Variants in PDPK1 observed in about 807,000 individuals in gnomAD.
PDPK1 encodes 3-phosphoinositide dependent protein kinase 1, also known as 3-phosphoinositide-dependent protein kinase 1.
Under a neutral mutation model 39.8 loss-of-function variants are expected in PDPK1, and 7 were observed. The observed-to-expected ratio is 0.18, with a 90% confidence interval of 0.10 to 0.33. The LOEUF (loss-of-function observed/expected upper bound fraction) is 0.33. PDPK1 is among the 10% of genes least tolerant of loss of function. The probability of loss-of-function intolerance (pLI) is 1.00; values close to 1 mark genes in which losing one functional copy is unlikely to be tolerated. For synonymous variants in PDPK1, 118 were observed against 159.1 expected, an observed-to-expected ratio of 0.74 and a Z score of 1.95; for missense variants, 182 against 384.7, an observed-to-expected ratio of 0.47 and a Z score of 4.41.
intron 1 of PDPK1, among the ~76,000 whole-genome samples, chr16:2,550,246 A>G (rs2141948203): frequency 6.6e-6 from 1 of 150,938 alleles, no homozygotes; most frequent in South Asian, 2.1e-4. Flanking sequence ...GAAAAATGGC[A>G]TTTTATTTAT....
rs1438149572 is a variant in PDPK1 at position 2,584,683 on chromosome 16, T to C, written c.1125+1098T>C. Among the ~76,000 whole-genome samples the C allele has an allele frequency of 2.0e-5, 3 of 151,196 alleles. No individual in the cohort carries two copies. The East Asian group carries it at 5.8e-4, about 29-fold the overall frequency. ...GCACCCAGCTGGGAATTCTAGATTT[T>C]ATCTAAAAGTCATCCACAGCTAAAT... is the stretch of plus-strand genomic sequence containing the variant. On this transcript the variant is annotated intron_variant, in intron 10 of 13. Transcript: ENST00000342085.
chr16:2,588,326 C>CG (rs1230888983), intron 11 of PDPK1, among the ~76,000 whole-genome samples: 1 of 152,134 alleles, frequency 6.6e-6, no homozygotes, highest in Non-Finnish European at 1.5e-5. Context: ...TGCTGTGCTG[C>CG]GCAGCTCCAA....
intron 11 of PDPK1, chr16:2,592,806 CTCTGTCCA>C (rs1183458214): frequency 2.2e-6 from 1 of 456,096 alleles, no homozygotes; most frequent in Non-Finnish European, 4.4e-6. Flanking sequence ...TGCCCGCAGT[CTCTGTCCA>C]TGCACCCTGG....
Position 2,586,720 on chromosome 16 carries a change from GTCC to G in PDPK1, c.1179_1181del (p.Ser394del), listed in dbSNP as rs2066883521. ...AGTTTGGCTGCATGCAGGTGTCTTC[GTCC>G]TCCTCCTCACACTCCCTGTCAGCCT... On this transcript the variant is annotated inframe_deletion, in exon 11 of 14. Coordinates refer to ENST00000342085, the MANE Select transcript of PDPK1 (RefSeq NM_002613.5). 6.2e-7 allele frequency: 1 copy of G among 1,614,212 alleles called. No homozygotes were observed. The highest frequency in any genetic ancestry group is 8.5e-7 in the Non-Finnish European group (1 of 1,180,036).
chr16:2,585,031 TG>T (rs201775190), intron 10 of PDPK1, among the ~76,000 whole-genome samples: 2,752 of 152,298 alleles, frequency 0.018, 35 homozygotes, highest in Non-Finnish European at 0.024. Context: ...CGTTCTCCCG[TG>T]GGCTCTGTGC....
chr16:2,544,338 T>C (rs759423323), intron 1 of PDPK1, among the ~76,000 whole-genome samples: 1 of 152,138 alleles, frequency 6.6e-6, no homozygotes, highest in Non-Finnish European at 1.5e-5. Flanking sequence ...CCTGGGCCAG[T>C]GGGATGAGGA....
At position 2,601,339 on chromosome 16, in the gene PDPK1, C is replaced by T. The variant is rs1307711043; in HGVS notation, c.*3572C>T. The stretch of plus-strand genomic sequence containing the variant: ...CTTTATTTAAATGCTAAGAGGATGT[C>T]ACTACTGCAATCCATCTGTGGCCGA... On this transcript the variant is annotated 3_prime_UTR_variant, in exon 14 of 14. Transcript: ENST00000342085. 4.3e-6 allele frequency: 1 copy of T among 234,538 alleles called. No individual in the cohort carries two copies. Among genetic ancestry groups the T allele is most frequent in the Non-Finnish European group, 8.5e-6 (1 of 117,972 alleles). The allele number at this position is 234,538 out of a possible 1,614,324, so 14.5% of individuals were successfully genotyped here.
intron 11 of PDPK1, chr16:2,592,519 C>G (rs1417415981): frequency 3.1e-6 from 1 of 325,422 alleles, no homozygotes; most frequent in African/African-American, 2.2e-5. Context: ...ACTAAAATTA[C>G]CAAAAATTAG....
intron 1 of PDPK1, among the ~76,000 whole-genome samples, chr16:2,544,128 A>G (rs1365549165): frequency 3.3e-5 from 5 of 152,154 alleles, no homozygotes; most frequent in Admixed American, 2.6e-4. Flanking sequence ...AATATTTTCT[A>G]TCCACTGTTG....
rs574291369 is a variant in PDPK1 at position 2,538,049 on chromosome 16, G to A, written c.-64G>A. ...GCTGGGGCTCCGCTTCGGGGAGGAG[G>A]ACGCTGAGGAGGCGCCGAGCCGCGC... On this transcript the variant is annotated 5_prime_UTR_variant, in exon 1 of 14. Coordinates refer to ENST00000342085, the MANE Select transcript of PDPK1 (RefSeq NM_002613.5). 594 of 815,326 alleles carry A rather than the reference G, an allele frequency of 7.3e-4. No homozygotes were observed. The highest frequency in any genetic ancestry group is 1.3e-3 in the Admixed American group (23 of 17,068). The allele number at this position is 815,326 out of a possible 1,614,324, so 50.5% of individuals were successfully genotyped here. A position where few individuals can be genotyped will look rare whatever the true frequency, so the allele number is the denominator to read the frequency against.
At chr16:2,589,289 T>A (rs1004484815) in intron 11 of PDPK1, among the ~76,000 whole-genome samples, 1 of 152,164 alleles carries the variant, frequency 6.6e-6, no homozygotes, top group Non-Finnish European at 1.5e-5. Flanking sequence ...TATTCAATAT[T>A]TCTACTGAGC....
intron 1 of PDPK1, chr16:2,539,040 C>A: frequency 6.4e-5 from 13 of 201,648 alleles, no homozygotes; most frequent in Admixed American, 2.2e-4. Context: ...AAGGAAAACC[C>A]AAGAAATTTA....
At position 2,597,732 on chromosome 16, in the gene PDPK1, C is replaced by T. The variant is rs1456303446; in HGVS notation, c.1636C>T (p.Arg546Ter). 7 of 1,613,166 alleles carry T rather than the reference C, an allele frequency of 4.3e-6. No individual in the cohort carries two copies. Among genetic ancestry groups the T allele is most frequent in the South Asian group, 1.1e-5 (1 of 91,038 alleles). ...CRKIQEVWRQ[R>*]YQSHPDAAVQ The stretch of plus-strand genomic sequence containing the variant: ...GAAGATCCAGGAGGTTTGGAGGCAG[C>T]GATACCAGAGCCACCCGGACGCCGC... The change falls in exon 14 of 14, where the codon CGA (arginine) becomes TGA (stop). Residue 546 changes from arginine to a stop codon, truncating the protein, a stop_gained. Coordinates refer to ENST00000342085, the MANE Select transcript of PDPK1 (RefSeq NM_002613.5). LOFTEE classifies it high-confidence loss of function. The surrounding 1 kb of genome is among the most constrained non-coding windows in gnomAD (Gnocchi z 6.3).
chr16:2,586,759 C>T lies in PDPK1; in HGVS notation c.1209C>T (p.Gly403=), dbSNP rs1025385114. The T allele has an allele frequency of 6.2e-7, 1 of 1,614,148 alleles. No homozygotes were observed. Among genetic ancestry groups the T allele is most frequent in the African/African-American group, 1.3e-5 (1 of 74,956 alleles). ...SSHSLSASDT[G]LPQRSGSNIE... Reference sequence around the variant, plus strand: ...ACTCCCTGTCAGCCTCCGACACGGGCCTGCCCCAGAGGTCAGGCAGCAACA... The same window carrying T: ...ACTCCCTGTCAGCCTCCGACACGGGTCTGCCCCAGAGGTCAGGCAGCAACA... The change falls in exon 11 of 14, where the codon GGC becomes GGT. Residue 403 remains glycine, a synonymous_variant. Transcript: ENST00000342085.
rs2067248764 is a variant in PDPK1, at chr16:2,602,962, T to G, written c.*5195T>G. The G allele has an allele frequency of 8.6e-6, 2 of 232,238 alleles. No homozygotes were observed. The highest frequency in any genetic ancestry group is 4.4e-5 in the African/African-American group (2 of 45,392). 14.4% of individuals were successfully genotyped at this position (232,238 alleles called of 1,614,324 possible). A position where few individuals can be genotyped will look rare whatever the true frequency, so the allele number is the denominator to read the frequency against. On this transcript the variant is annotated 3_prime_UTR_variant, in exon 14 of 14. Coordinates refer to ENST00000342085, the MANE Select transcript of PDPK1 (RefSeq NM_002613.5). ...TTCGGGGCCACGTTGTTGTATGTAT[T>G]GATGTACAGCCTTGAATGTGAATAA... is the stretch of plus-strand genomic sequence containing the variant.
At chr16:2,588,913 C>T (rs1014736444) in intron 11 of PDPK1, among the ~76,000 whole-genome samples, 4 of 152,024 alleles carry the variant, frequency 2.6e-5, no homozygotes, top group Admixed American at 6.6e-5. Flanking sequence ...ATGGAATCTG[C>T]GTGCTTTTGG....
intron 1 of PDPK1, chr16:2,538,780 G>C: frequency 6.3e-6 from 8 of 1,278,778 alleles, no homozygotes; most frequent in Non-Finnish European, 8.2e-6. Flanking sequence ...AGGTAGGAGG[G>C]ATTTTAGGGG....
chr16:2,601,474 T>A lies in PDPK1; in HGVS notation c.*3707T>A. On this transcript the variant is annotated 3_prime_UTR_variant, in exon 14 of 14. Coordinates refer to ENST00000342085, the MANE Select transcript of PDPK1 (RefSeq NM_002613.5). ...TGGCTTTCAAGCGCTTGGCAGAATCTTGTACTTCGTGTCCACAATGGTACT... is the reference window on the plus strand; with the variant it reads ...TGGCTTTCAAGCGCTTGGCAGAATCATGTACTTCGTGTCCACAATGGTACT... The A allele has an allele frequency of 4.3e-6, 1 of 234,604 alleles. No individual in the cohort carries two copies. The highest frequency in any genetic ancestry group is 8.5e-6 in the Non-Finnish European group (1 of 117,876). 14.5% of individuals were successfully genotyped at this position (234,604 alleles called of 1,614,324 possible).
chr16:2,602,604 T>TA lies in PDPK1; in HGVS notation c.*4839dup. On this transcript the variant is annotated 3_prime_UTR_variant, in exon 14 of 14. Transcript: ENST00000342085. ...TAAAAGCCTCTATTACGACTGTAAG[T>TA]AAGTTGGATGTTGGCAAAATTAAAT... 4.3e-6 allele frequency: 1 copy of TA among 234,168 alleles called. No homozygotes were observed. The highest frequency in any genetic ancestry group is 1.8e-4 in the South Asian group (1 of 5,528). The allele number at this position is 234,168 out of a possible 1,614,324, so 14.5% of individuals were successfully genotyped here. A position where few individuals can be genotyped will look rare whatever the true frequency, so the allele number is the denominator to read the frequency against.
Sources: allele counts gnomAD v4.1 joint callset (sites outside exome capture counted in the v4.1 genomes callset), GRCh38; gene constraint gnomAD v4.1.1; non-coding constraint Gnocchi (gnomAD v3.1); transcripts MANE v1.5; gene names NCBI Gene and HGNC (gene_info 2026-07-23, HGNC 2026-07-21).